The following DLG2 variants were observed in gnomAD, a reference collection of about 807,000 sequenced individuals.
The protein encoded by DLG2 is discs large MAGUK scaffold protein 2, also known as disks large homolog 2.
DLG2 carries 45 observed loss-of-function variants against 132.5 expected under a neutral mutation model. That is an observed-to-expected ratio of 0.34 (90% CI 0.27 to 0.44). The LOEUF (loss-of-function observed/expected upper bound fraction) is 0.44, where lower values mean the gene tolerates loss of function less well. Among genes scored for constraint, DLG2 ranks in the 20% least tolerant of loss-of-function variants. The pLI, the probability that DLG2 is intolerant of heterozygous loss-of-function variation, is 1.00. For missense variants in DLG2, 1,045 were observed against 1,196.9 expected (o/e 0.87, Z 1.87); for synonymous variants, 424 against 419.6 (o/e 1.01, Z -0.13).
intron 17 of DLG2, among the ~76,000 whole-genome samples, chr11:83,812,804 G>C (rs2047698439): frequency 6.6e-6 from 1 of 152,158 alleles, no homozygotes; most frequent in Non-Finnish European, 1.5e-5. Flanking sequence ...CCAGAATTGT[G>C]GGAAATGTAC....
chr11:84,441,126 T>A (rs2099016035), intron 7 of DLG2, among the ~76,000 whole-genome samples: 2 of 133,990 alleles, frequency 1.5e-5, no homozygotes, highest in African/African-American at 7.0e-5. Context: ...ATGTCTGATG[T>A]TAGTAAATTA....
intron 7 of DLG2, among the ~76,000 whole-genome samples, chr11:84,284,887 GC>G (rs1382925914): frequency 5.3e-5 from 8 of 152,114 alleles, no homozygotes; most frequent in Non-Finnish European, 1.2e-4. Context: ...GCATTGCCTG[GC>G]ATATAACAAA....
chr11:85,302,889 T>C (rs544296218), intron 3 of DLG2, among the ~76,000 whole-genome samples: 1 of 152,338 alleles, frequency 6.6e-6, no homozygotes, highest in East Asian at 1.9e-4. Context: ...AAAATTCAAA[T>C]GCATTATTCT....
At chr11:84,997,368 C>G (rs544461994) in intron 6 of DLG2, 1 of 152,256 alleles carries the variant, frequency 6.6e-6, no homozygotes, top group Non-Finnish European at 1.5e-5. Flanking sequence ...TGTTATATCT[C>G]TAGGCACCCA....
At chr11:84,288,770 C>G (rs1445274055) in intron 7 of DLG2, among the ~76,000 whole-genome samples, 2 of 152,130 alleles carry the variant, frequency 1.3e-5, no homozygotes, top group Non-Finnish European at 2.9e-5. Context: ...TAGTCACAGA[C>G]AATGGATTCC....
At chr11:83,625,721 A>T (rs1308674512) in intron 19 of DLG2, among the ~76,000 whole-genome samples, 2 of 152,166 alleles carry the variant, frequency 1.3e-5, no homozygotes, top group Non-Finnish European at 1.5e-5. Flanking sequence ...TGCTTGTCTA[A>T]ATCCATTATT....
intron 17 of DLG2, among the ~76,000 whole-genome samples, chr11:83,788,279 C>G (rs529103157): frequency 1.3e-5 from 2 of 152,180 alleles, no homozygotes; most frequent in South Asian, 2.1e-4. Context: ...ATAATAACTT[C>G]GTTAACATCT....
chr11:84,524,329 G>T (rs1387051928), intron 7 of DLG2, among the ~76,000 whole-genome samples: 2 of 152,088 alleles, frequency 1.3e-5, no homozygotes, highest in African/African-American at 4.8e-5. Flanking sequence ...TCAATATCTG[G>T]CCTAAATAGC....
chr11:83,916,574 C>G (rs1590947622), intron 15 of DLG2, among the ~76,000 whole-genome samples: 1 of 152,152 alleles, frequency 6.6e-6, no homozygotes, highest in East Asian at 1.9e-4. Context: ...CCTCGGCCTC[C>G]CAAAGTGCTG....
At chr11:84,396,970 C>T (rs992021362) in intron 7 of DLG2, among the ~76,000 whole-genome samples, 5 of 152,124 alleles carry the variant, frequency 3.3e-5, no homozygotes, top group African/African-American at 2.4e-5. Flanking sequence ...GTAAATGTCA[C>T]GTGCATGAAT....
At chr11:83,830,863 T>C (rs747168057) in intron 17 of DLG2, among the ~76,000 whole-genome samples, 13 of 152,194 alleles carry the variant, frequency 8.5e-5, no homozygotes, top group African/African-American at 3.1e-4. Context: ...AATTAATGCA[T>C]GTGACAGTGC....
intron 21 of DLG2, among the ~76,000 whole-genome samples, chr11:83,531,918 T>C (rs2141045572): frequency 1.3e-5 from 2 of 149,054 alleles, no homozygotes; most frequent in South Asian, 4.3e-4. Context: ...TATAATTTCA[T>C]TTATATAAAA....
intron 2 of DLG2, among the ~76,000 whole-genome samples, chr11:85,616,254 G>C (rs1021759616): frequency 6.6e-6 from 1 of 152,080 alleles, no homozygotes; most frequent in Admixed American, 6.6e-5. Context: ...TTGTAAAAGT[G>C]AAGTTCATGA....
chr11:84,194,911 C>T (rs908393656), intron 8 of DLG2, among the ~76,000 whole-genome samples: 15 of 152,172 alleles, frequency 9.9e-5, no homozygotes, highest in African/African-American at 2.7e-4. Flanking sequence ...ATTGAGCCTG[C>T]GCCCACCCGG....
At chr11:83,534,866 C>A (rs939274726) in intron 20 of DLG2, among the ~76,000 whole-genome samples, 1 of 152,166 alleles carries the variant, frequency 6.6e-6, no homozygotes, top group African/African-American at 2.4e-5. Context: ...TCACTTGAAC[C>A]CGGGAGGTGG....
chr11:84,331,944 A>G (rs1001736700), intron 7 of DLG2, among the ~76,000 whole-genome samples: 1 of 152,204 alleles, frequency 6.6e-6, no homozygotes, highest in East Asian at 1.9e-4. Context: ...ACTGAAAAAC[A>G]CATCTGAGAG....
intron 3 of DLG2, among the ~76,000 whole-genome samples, chr11:85,494,162 T>C (rs149163925): frequency 1.1e-3 from 168 of 152,278 alleles, no homozygotes; most frequent in Non-Finnish European, 5.1e-4. Context: ...TACTGTTGCA[T>C]TGGGGATTAA....
intron 25 of DLG2, 65 bp from the exon 26 acceptor site, chr11:83,466,882 A>T (rs933975905): frequency 1.8e-6 from 2 of 1,103,686 alleles, no homozygotes; most frequent in Non-Finnish European, 2.8e-6. Flanking sequence ...CAACAAAAGG[A>T]AACTAATGTA....
chr11:83,892,635 G>A (rs1004553254), intron 15 of DLG2, among the ~76,000 whole-genome samples: 1 of 151,348 alleles, frequency 6.6e-6, no homozygotes, highest in Non-Finnish European at 1.5e-5. Flanking sequence ...GGGCATAAAG[G>A]TAACAATTTT....
Sources: gnomAD v4.1 joint callset for allele counts (sites outside exome capture counted in the v4.1 genomes callset) on GRCh38, gnomAD v4.1.1 for gene constraint, MANE v1.5 for transcripts, NCBI Gene and HGNC (gene_info 2026-07-23, HGNC 2026-07-21) for gene names.